ANTXR1: variants seen among roughly 807,000 people sequenced by gnomAD.
The protein encoded by ANTXR1 is ANTXR cell adhesion molecule 1, also known as anthrax toxin receptor 1.
ANTXR1 carries 19 observed loss-of-function variants against 78.1 expected under a neutral mutation model. That is an observed-to-expected ratio of 0.24 (90% CI 0.17 to 0.36). ANTXR1 has a LOEUF of 0.36. ANTXR1 is among the 10% of genes least tolerant of loss of function. The pLI is 1.00. For missense variants in ANTXR1, 518 were observed against 718.6 expected (o/e 0.72, Z 3.19); for synonymous variants, 273 against 260.5 (o/e 1.05, Z -0.46).
chr2:69,189,973 T>A (rs1674511854), intron 16 of ANTXR1, among the ~76,000 whole-genome samples: 1 of 151,762 alleles, frequency 6.6e-6, no homozygotes, highest in East Asian at 1.9e-4. Context: ...CTGGGCTGAG[T>A]ATAGAATTTT....
At chr2:69,025,222 C>A (rs185687719) in intron 1 of ANTXR1, among the ~76,000 whole-genome samples, 18 of 152,182 alleles carry the variant, frequency 1.2e-4, no homozygotes, top group Admixed American at 1.1e-3. Flanking sequence ...TAGTTGCGGG[C>A]TCCCTGTGGT....
Position 69,170,369 on chromosome 2 carries a change from T to G in ANTXR1, c.1089+80T>G, listed in dbSNP as rs970463533. 5 of 1,521,352 alleles carry G rather than the reference T, an allele frequency of 3.3e-6. No homozygotes were observed. The Admixed American group carries it at 8.4e-5, about 26-fold the overall frequency. 94.2% of individuals were successfully genotyped at this position (1,521,352 alleles called of 1,614,324 possible). On this transcript the variant is annotated intron_variant, in intron 14 of 17. Transcript: ENST00000303714. Reference sequence around the variant, plus strand: ...AGAGCTGGCTGGGCAGCTGGACACTTAGCCCCCTGCAGAGCAGAGCTAAGT... The same window carrying G: ...AGAGCTGGCTGGGCAGCTGGACACTGAGCCCCCTGCAGAGCAGAGCTAAGT...
chr2:69,119,476 C>T (rs573435076), intron 10 of ANTXR1, among the ~76,000 whole-genome samples: 1 of 152,372 alleles, frequency 6.6e-6, no homozygotes, highest in Admixed American at 6.5e-5. Context: ...TCGAGTCAGC[C>T]ACGCCTGTCC....
chr2:69,124,912 C>T (rs1341213186), intron 12 of ANTXR1, among the ~76,000 whole-genome samples: 4 of 152,082 alleles, frequency 2.6e-5, no homozygotes, highest in East Asian at 1.9e-4. Flanking sequence ...CCTGACCAGA[C>T]GGTAAGATGG....
intron 17 of ANTXR1, among the ~76,000 whole-genome samples, chr2:69,220,085 C>A (rs1448809572): frequency 6.6e-6 from 1 of 152,184 alleles, no homozygotes; most frequent in Non-Finnish European, 1.5e-5. Flanking sequence ...AACTTGAAGT[C>A]TATTTTAGTT....
intron 12 of ANTXR1, chr2:69,145,200 A>C: frequency 1.1e-6 from 1 of 916,410 alleles, no homozygotes; most frequent in Non-Finnish European, 1.7e-6. Context: ...AGGCAGAGTT[A>C]CGGGGGGCTG....
intron 12 of ANTXR1, chr2:69,146,468 GT>G (rs1673228818): frequency 2.5e-6 from 2 of 803,698 alleles, no homozygotes; most frequent in African/African-American, 3.7e-5. Context: ...GCTGTTTGCT[GT>G]TTCTCCCCCT....
At chr2:69,024,436 A>G (rs1238304468) in intron 1 of ANTXR1, among the ~76,000 whole-genome samples, 1 of 152,196 alleles carries the variant, frequency 6.6e-6, no homozygotes, top group Non-Finnish European at 1.5e-5. Flanking sequence ...CCAAAGTCCA[A>G]CCCAAAGGAA....
chr2:69,182,755 TA>T, intron 16 of ANTXR1, 95 bp downstream of exon 16: 1 of 1,517,450 alleles, frequency 6.6e-7, no homozygotes, highest in Non-Finnish European at 9.1e-7. Context: ...AATCCCAACC[TA>T]AAACCCAGCT....
At chr2:69,030,133 T>C (rs1671487692) in intron 1 of ANTXR1, among the ~76,000 whole-genome samples, 1 of 152,156 alleles carries the variant, frequency 6.6e-6, no homozygotes, top group African/African-American at 2.4e-5. Flanking sequence ...TAAAATCCCT[T>C]TAGGTAAAAT....
intron 8 of ANTXR1, among the ~76,000 whole-genome samples, chr2:69,078,595 C>A (rs539631326): frequency 6.6e-6 from 1 of 152,278 alleles, no homozygotes; most frequent in South Asian, 2.1e-4. Context: ...AGCCCGGCAA[C>A]CCAGAGTTTC....
At chr2:69,231,401 A>G (rs1247884372) in intron 17 of ANTXR1, among the ~76,000 whole-genome samples, 1 of 152,082 alleles carries the variant, frequency 6.6e-6, no homozygotes, top group South Asian at 2.1e-4. Flanking sequence ...CTTCGCAGCA[A>G]CTTTAGGAAG....
At chr2:69,127,727 T>C (rs1358283538) in intron 12 of ANTXR1, among the ~76,000 whole-genome samples, 2 of 152,106 alleles carry the variant, frequency 1.3e-5, no homozygotes, top group African/African-American at 4.8e-5. Flanking sequence ...GCAGAGCTAA[T>C]GAATTTTCCA....
At chr2:69,103,356 T>G in intron 10 of ANTXR1, 1 of 305,442 alleles carries the variant, frequency 3.3e-6, no homozygotes, top group Non-Finnish European at 6.4e-6. Context: ...CTTAACAAAG[T>G]ATTGGGACTC....
chr2:69,236,824 G>A (rs1675775893), intron 17 of ANTXR1, among the ~76,000 whole-genome samples: 1 of 152,174 alleles, frequency 6.6e-6, no homozygotes, highest in South Asian at 2.1e-4. Context: ...TGACAGGGGA[G>A]AAATGGTCAC....
rs1433240001 is a variant in ANTXR1 at position 69,102,868 on chromosome 2, A to G, written c.730A>G (p.Asn244Asp). 6.2e-7 allele frequency: 1 copy of G among 1,614,146 alleles called. No homozygotes were observed. Among genetic ancestry groups the G allele is most frequent in the Admixed American group, 1.7e-5 (1 of 60,022 alleles). Residue 244 changes from asparagine (N) to aspartate (D), a missense_variant, in exon 10 of 18, where the codon AAC becomes GAC. Transcript: ENST00000303714. Reference sequence around the variant, plus strand: ...GTCATTTCAAGTTGTCGTGAGAGGAAACGGCTTCCGACATGCCCGCAACGT... The same window carrying G: ...GTCATTTCAAGTTGTCGTGAGAGGAGACGGCTTCCGACATGCCCGCAACGT... ...GESFQVVVRG[N>D]GFRHARNVDR...
intron 17 of ANTXR1, among the ~76,000 whole-genome samples, chr2:69,198,034 T>C (rs778202023): frequency 3.3e-5 from 5 of 152,242 alleles, no homozygotes; most frequent in Non-Finnish European, 7.3e-5. Context: ...TTTTTGGAGA[T>C]TGATTTTCAA....
chr2:69,108,414 C>T (rs768676358), intron 10 of ANTXR1, among the ~76,000 whole-genome samples: 5 of 152,232 alleles, frequency 3.3e-5, no homozygotes, highest in Non-Finnish European at 7.4e-5. Context: ...TGTTCAGCAA[C>T]GACCATTAGA....
intron 16 of ANTXR1, among the ~76,000 whole-genome samples, chr2:69,187,030 A>G (rs1573963797): frequency 6.6e-6 from 1 of 152,256 alleles, no homozygotes; most frequent in Admixed American, 6.5e-5. Context: ...ATGGCTCCCC[A>G]GTGAAAGGAG....
Sources: allele counts gnomAD v4.1 joint callset (sites outside exome capture counted in the v4.1 genomes callset), GRCh38; gene constraint gnomAD v4.1.1; transcripts MANE v1.5; gene names NCBI Gene and HGNC (gene_info 2026-07-23, HGNC 2026-07-21).